CEP85L: variants seen among roughly 807,000 people sequenced by gnomAD.
CEP85L encodes the protein centrosomal protein 85L, also known as centrosomal protein of 85 kDa-like.
Under a neutral mutation model 100.3 loss-of-function variants are expected in CEP85L, and 60 were observed. The ratio of observed to expected loss-of-function variants is 0.60; its 90% confidence interval spans 0.49 to 0.74. The LOEUF (loss-of-function observed/expected upper bound fraction) is 0.74. Ranked by LOEUF, CEP85L falls within the 30% of genes least tolerant of loss-of-function variation. The pLI, the probability that CEP85L is intolerant of heterozygous loss-of-function variation, is 0.00. For synonymous variants in CEP85L, 319 were observed against 322.7 expected (o/e 0.99, Z 0.12); for missense variants, 973 against 936.2 (o/e 1.04, Z -0.51).
At chr6:118,627,524 TGAAACTTGTGTGG>T (rs1370187019) in intron 2 of CEP85L, among the ~76,000 whole-genome samples, 1 of 152,200 alleles carries the variant, frequency 6.6e-6, no homozygotes, top group Non-Finnish European at 1.5e-5. Context: ...TATTAGAGCT[TGAAACTTGTGTGG>T]GACACAGCAC....
intron 2 of CEP85L, among the ~76,000 whole-genome samples, chr6:118,579,609 GAA>G (rs1780449924): frequency 6.6e-6 from 1 of 152,122 alleles, no homozygotes; most frequent in Non-Finnish European, 1.5e-5. Flanking sequence ...AAGTTTCTTA[GAA>G]ATAAAACTAT....
intron 10 of CEP85L, among the ~76,000 whole-genome samples, chr6:118,478,481 C>T (rs1180082124): frequency 2.6e-5 from 4 of 152,052 alleles, no homozygotes; most frequent in East Asian, 1.9e-4. Flanking sequence ...ATCTCTGTGT[C>T]TCTAGATCTG....
chr6:118,632,721 T>G, intron 1 of CEP85L, 110 bp from the exon 2 acceptor site: 1 of 723,406 alleles, frequency 1.4e-6, no homozygotes, highest in East Asian at 2.9e-5. Context: ...AAAGGTTCTT[T>G]TCTGCCCAAA....
intron 10 of CEP85L, among the ~76,000 whole-genome samples, chr6:118,473,527 C>A (rs12661338): frequency 0.35 from 52,766 of 151,544 alleles, 10,135 homozygotes; most frequent in Non-Finnish European, 0.45. Flanking sequence ...TTGTATAGGG[C>A]CTCAGAAATC....
At chr6:118,493,718 T>C (rs190938035) in intron 5 of CEP85L, among the ~76,000 whole-genome samples, 385 of 152,260 alleles carry the variant, frequency 2.5e-3, no homozygotes, top group Admixed American at 5.9e-3. Context: ...AAGATTATCT[T>C]CTGGGCAGAA....
chr6:118,604,311 A>G (rs1772030303), intron 2 of CEP85L, among the ~76,000 whole-genome samples: 1 of 152,208 alleles, frequency 6.6e-6, no homozygotes, highest in Non-Finnish European at 1.5e-5. Flanking sequence ...TTTTATTCCA[A>G]TGTTTAATTT....
intron 3 of CEP85L, among the ~76,000 whole-genome samples, chr6:118,556,495 T>C (rs1015577841): frequency 1.3e-5 from 2 of 152,164 alleles, no homozygotes; most frequent in African/African-American, 4.8e-5. Context: ...TATGGTTTCT[T>C]TGCCAAAGTA....
intron 1 of CEP85L, among the ~76,000 whole-genome samples, chr6:118,638,155 T>A (rs1179268029): frequency 6.6e-6 from 1 of 151,558 alleles, no homozygotes; most frequent in Non-Finnish European, 1.5e-5. Flanking sequence ...AAGGTAAGAT[T>A]GCTTAAGCCC....
chr6:118,548,708 T>C (rs9489435), intron 3 of CEP85L, among the ~76,000 whole-genome samples: 4,392 of 152,194 alleles, frequency 0.029, 104 homozygotes, highest in African/African-American at 0.056. Flanking sequence ...AATCTTCCAA[T>C]TATGTTACCA....
At chr6:118,484,913 G>A (rs931520174) in intron 6 of CEP85L, among the ~76,000 whole-genome samples, 1 of 152,188 alleles carries the variant, frequency 6.6e-6, no homozygotes, top group South Asian at 2.1e-4. Context: ...AAGGCACTGT[G>A]TCATAATTGA....
chr6:118,502,924 T>C, intron 5 of CEP85L: 1 of 441,952 alleles, frequency 2.3e-6, no homozygotes, highest in South Asian at 2.6e-5. Context: ...GTGGACCTAG[T>C]GGGAGTTGAG....
Position 118,607,386 on chromosome 6 carries a change from C to T in CEP85L, c.232+25067G>A, listed in dbSNP as rs1243744902. On this transcript the variant is annotated intron_variant, in intron 2 of 12. Coordinates refer to ENST00000368491, the MANE Select transcript of CEP85L (RefSeq NM_001042475.3). ...TTGCAGCAACACTGAAAAGTTCAGG[C>T]GGCTGTTTCTCAGTACCAAAGAGAT... 4.6e-5 allele frequency among the ~76,000 whole-genome samples: 7 copies of T among 152,114 alleles called. 1 individual carries two copies. Among genetic ancestry groups the T allele is most frequent in the South Asian group, 4.1e-4 (2 of 4,826 alleles).
intron 1 of CEP85L, among the ~76,000 whole-genome samples, chr6:118,644,421 T>C (rs1001491970): frequency 2.0e-5 from 3 of 152,100 alleles, no homozygotes; most frequent in African/African-American, 7.2e-5. Flanking sequence ...TATAACCAAG[T>C]AATTCTCAAA....
intron 2 of CEP85L, among the ~76,000 whole-genome samples, chr6:118,603,679 T>C (rs1451179473): frequency 6.6e-6 from 1 of 152,228 alleles, no homozygotes; most frequent in South Asian, 2.1e-4. Flanking sequence ...GCTTCTTCAG[T>C]TTAGTCCATG....
intron 2 of CEP85L, among the ~76,000 whole-genome samples, chr6:118,590,559 C>T (rs1781128288): frequency 1.3e-5 from 2 of 152,096 alleles, no homozygotes; most frequent in Non-Finnish European, 2.9e-5. Flanking sequence ...AATGATATAC[C>T]TGGTCAAACC....
chr6:118,501,666 T>TA (rs1233644800), intron 5 of CEP85L: 1 of 661,862 alleles, frequency 1.5e-6, no homozygotes, highest in Non-Finnish European at 2.8e-6. Flanking sequence ...AAGAAGCTGT[T>TA]ACACTCAGAG....
chr6:118,597,784 A>G (rs1357820141), intron 2 of CEP85L, among the ~76,000 whole-genome samples: 2 of 152,210 alleles, frequency 1.3e-5, no homozygotes, highest in Non-Finnish European at 2.9e-5. Flanking sequence ...TCAGTTCTTC[A>G]GCTAGCCATT....
intron 1 of CEP85L, among the ~76,000 whole-genome samples, chr6:118,696,474 G>T (rs897903692): frequency 1.3e-5 from 2 of 152,150 alleles, no homozygotes; most frequent in African/African-American, 4.8e-5. Flanking sequence ...TCTGCTGCTA[G>T]CAAGTTGGGC....
In CEP85L at chr6:118,651,512, A is replaced by C; in HGVS notation, c.-243T>G. 1.6e-6 allele frequency: 2 copies of C among 1,259,300 alleles called. No individual in the cohort carries two copies. Among genetic ancestry groups the C allele is most frequent in the Non-Finnish European group, 2.0e-6 (2 of 1,002,516 alleles). 78.0% of individuals were successfully genotyped at this position (1,259,300 alleles called of 1,614,324 possible). ...TGAGGCCCGCGCCGGGGAAGCGGCG[A>C]CTCGGCGGTGACGGCTGCTAGATCC... On this transcript the variant is annotated 5_prime_UTR_variant, in exon 1 of 13. Coordinates refer to ENST00000368491, the MANE Select transcript of CEP85L (RefSeq NM_001042475.3).
Sources: allele counts gnomAD v4.1 joint callset (sites outside exome capture counted in the v4.1 genomes callset), GRCh38; gene constraint gnomAD v4.1.1; transcripts MANE v1.5; gene names NCBI Gene and HGNC (gene_info 2026-07-23, HGNC 2026-07-21).